Variants in DIAPH2 observed in about 807,000 individuals in gnomAD.
The protein encoded by DIAPH2 is protein diaphanous homolog 2.
In DIAPH2, 35 loss-of-function variants were observed where a neutral mutation model predicts 92.7. The ratio of observed to expected loss-of-function variants is 0.38; its 90% CI spans 0.29 to 0.50. DIAPH2 has a LOEUF of 0.50. DIAPH2 is among the 20% of genes least tolerant of loss of function. The probability of loss-of-function intolerance (pLI) is 0.94; values close to 1 mark genes in which losing one functional copy is unlikely to be tolerated. For missense variants in DIAPH2, 701 were observed against 819.5 expected, an observed-to-expected ratio of 0.86 and a Z score of 1.77; for synonymous variants, 301 against 280.4, an observed-to-expected ratio of 1.07 and a Z score of -0.73.
intron 17 of DIAPH2, among the ~76,000 whole-genome samples, chrX:97,070,233 CTG>C: frequency 9.0e-6 from 1 of 111,069 alleles, no homozygotes; most frequent in East Asian, 2.8e-4. Flanking sequence ...TCTCGTTTGA[CTG>C]TGGGCCTCAT....
chrX:97,136,099 ACT>A (rs1216850187), intron 21 of DIAPH2, among the ~76,000 whole-genome samples: 2 of 111,808 alleles, frequency 1.8e-5, no homozygotes, highest in African/African-American at 6.5e-5. Context: ...AGACAAGAAA[ACT>A]CTGTACTTGT....
rs755686441 is a variant in DIAPH2 at position 97,359,008 on chromosome X, G to T, written c.3009+10728G>T. On this transcript the variant is annotated intron_variant, in intron 24 of 26. Transcript: ENST00000324765. ...CCACATTCAGTGTATAGTGCCGTTGGTTATGTCTTCAGTTGTGATTAAACA... is the reference window on the plus strand; with the variant it reads ...CCACATTCAGTGTATAGTGCCGTTGTTTATGTCTTCAGTTGTGATTAAACA... Among the ~76,000 whole-genome samples the T allele has an allele frequency of 6.2e-5, 7 of 112,143 alleles. No homozygotes were observed. The South Asian group carries it at 2.6e-3, about 42-fold the overall frequency.
intron 17 of DIAPH2, among the ~76,000 whole-genome samples, chrX:97,025,904 T>C (rs2066331656): frequency 8.9e-6 from 1 of 111,845 alleles, no homozygotes; most frequent in Non-Finnish European, 1.9e-5. Flanking sequence ...ATTCTTCCTG[T>C]CTAAATGTTG....
At chrX:96,720,483 T>G (rs899868428) in intron 1 of DIAPH2, among the ~76,000 whole-genome samples, 5 of 112,239 alleles carry the variant, frequency 4.5e-5, no homozygotes, top group African/African-American at 1.6e-4. Flanking sequence ...TAAGGTATTT[T>G]CACCCTTGAT....
intron 1 of DIAPH2, among the ~76,000 whole-genome samples, chrX:96,695,749 CTTG>C (rs1207256456): frequency 3.6e-5 from 4 of 111,744 alleles, no homozygotes; most frequent in Admixed American, 9.5e-5. Context: ...CATCTTATTT[CTTG>C]TTGTTTTTAC....
Position 97,247,803 on chromosome X carries a change from A to T in DIAPH2, c.2808A>T (p.Ala936=). 1 of 1,209,773 alleles carries T rather than the reference A, an allele frequency of 8.3e-7. No individual in the cohort carries two copies. Among genetic ancestry groups the T allele is most frequent in the Non-Finnish European group, 1.1e-6 (1 of 894,236 alleles). ...LERDIKKFPQ[A]ENQHDKFVEK... ...GTGACATCAAGAAATTCCCCCAAGCAGAAAATCAACACGATAAGTTTGTGG... is the reference window on the plus strand; with the variant it reads ...GTGACATCAAGAAATTCCCCCAAGCTGAAAATCAACACGATAAGTTTGTGG... Residue 936 remains alanine, a synonymous_variant, in exon 23 of 27, where the codon GCA becomes GCT. Coordinates refer to ENST00000324765, the MANE Select transcript of DIAPH2 (RefSeq NM_006729.5).
At chrX:97,161,746 A>T (rs1032558302) in intron 22 of DIAPH2, among the ~76,000 whole-genome samples, 4 of 112,024 alleles carry the variant, frequency 3.6e-5, no homozygotes, top group Non-Finnish European at 7.5e-5. Context: ...AATATCTTTA[A>T]AAGGCAAGCA....
intron 4 of DIAPH2, among the ~76,000 whole-genome samples, chrX:96,771,901 G>T (rs1212038429): frequency 9.1e-6 from 1 of 110,377 alleles, no homozygotes; most frequent in Non-Finnish European, 1.9e-5. Context: ...AGCTGGGTGT[G>T]GTGGCACACT....
At chrX:97,236,777 C>T (rs1399221389) in intron 22 of DIAPH2, among the ~76,000 whole-genome samples, 1 of 110,538 alleles carries the variant, frequency 9.0e-6, no homozygotes, top group Non-Finnish European at 1.9e-5. Flanking sequence ...ATCTCCTGAC[C>T]TCGTGATCCA....
At chrX:96,800,542 A>T (rs1458252171) in intron 4 of DIAPH2, among the ~76,000 whole-genome samples, 2 of 111,947 alleles carry the variant, frequency 1.8e-5, no homozygotes, top group Admixed American at 9.5e-5. Context: ...AGCTCTTCTG[A>T]CACAAGGGAG....
chrX:97,435,602 T>C (rs2070174807), intron 26 of DIAPH2, among the ~76,000 whole-genome samples: 1 of 111,051 alleles, frequency 9.0e-6, no homozygotes, highest in Non-Finnish European at 1.9e-5. Context: ...TTATCTTCTC[T>C]GAATTTTGCT....
At chrX:97,198,922 A>C (rs1213630105) in intron 22 of DIAPH2, among the ~76,000 whole-genome samples, 2 of 110,990 alleles carry the variant, frequency 1.8e-5, no homozygotes, top group East Asian at 5.6e-4. Context: ...TATCCTTTAT[A>C]TTTCAAATAT....
At position 96,916,569 on chromosome X, in the gene DIAPH2, G is replaced by T. The variant is rs756827526; in HGVS notation, c.864G>T (p.Glu288Asp). ...ILSAICIVGEENILDKLLGAI... is the reference protein window; with the variant it reads ...ILSAICIVGEDNILDKLLGAI... ...CTGCTATTTGCATTGTTGGAGAAGA[G>T]AACATGTAAGTATTGCTATATTATT... Residue 288 changes from glutamate to aspartate, a missense_variant, in exon 8 of 27, where the codon GAG becomes GAT. Glu to Asp is a conservative substitution (Grantham distance 45, BLOSUM62 2). Transcript: ENST00000324765. The T allele has an allele frequency of 2.5e-6, 3 of 1,195,187 alleles. No individual in the cohort carries two copies. The highest frequency in any genetic ancestry group is 3.5e-5 in the African/African-American group (2 of 56,360).
intron 26 of DIAPH2, among the ~76,000 whole-genome samples, chrX:97,593,542 G>C (rs2071531044): frequency 9.1e-6 from 1 of 109,738 alleles, no homozygotes; most frequent in Non-Finnish European, 1.9e-5. Context: ...TTTGTCACAT[G>C]TCTCTGGCTA....
intron 10 of DIAPH2, among the ~76,000 whole-genome samples, chrX:96,934,289 G>A (rs1426955083): frequency 1.8e-5 from 2 of 111,339 alleles, no homozygotes; most frequent in African/African-American, 6.5e-5. Context: ...TTAATAATAT[G>A]GTCATAGATT....
chrX:97,520,043 A>G (rs140460571), intron 26 of DIAPH2, among the ~76,000 whole-genome samples: 101 of 111,904 alleles, frequency 9.0e-4, no homozygotes, highest in Middle Eastern at 4.6e-3. Flanking sequence ...CCATACATTC[A>G]TTCCCTACCC....
intron 22 of DIAPH2, among the ~76,000 whole-genome samples, chrX:97,199,132 T>C (rs952867432): frequency 9.1e-6 from 1 of 110,453 alleles, no homozygotes; most frequent in Non-Finnish European, 1.9e-5. Flanking sequence ...TCTTACCCTA[T>C]TTTTTATAAT....
intron 4 of DIAPH2, among the ~76,000 whole-genome samples, chrX:96,853,223 G>A (rs1223720637): frequency 9.0e-6 from 1 of 111,617 alleles, no homozygotes; most frequent in Non-Finnish European, 1.9e-5. Context: ...TTGCTCACTT[G>A]ATGACATGTT....
At chrX:97,003,438 C>T (rs1048807988) in intron 17 of DIAPH2, among the ~76,000 whole-genome samples, 5 of 111,778 alleles carry the variant, frequency 4.5e-5, no homozygotes, top group Non-Finnish European at 9.4e-5. Context: ...ACAAGGCTTC[C>T]TTTTAATCCA....
Sources: gnomAD v4.1 joint callset for allele counts (sites outside exome capture counted in the v4.1 genomes callset) on GRCh38, gnomAD v4.1.1 for gene constraint, MANE v1.5 for transcripts, NCBI Gene and HGNC (gene_info 2026-07-23, HGNC 2026-07-21) for gene names.